The following RASGRP3 variants were observed in gnomAD, a reference collection of about 807,000 sequenced individuals.
RASGRP3 encodes RAS guanyl releasing protein 3, also known as ras guanyl-releasing protein 3.
A neutral mutation model predicts 82.7 loss-of-function variants in RASGRP3; 54 were observed. The ratio of observed to expected loss-of-function variants is 0.65; its 90% CI spans 0.52 to 0.82. The LOEUF (loss-of-function observed/expected upper bound fraction) is 0.82. Among genes scored for constraint, RASGRP3 ranks in the 40% least tolerant of loss-of-function variants. The pLI, the probability that RASGRP3 is intolerant of heterozygous loss-of-function variation, is 0.00. For synonymous variants in RASGRP3, 309 were observed against 300.5 expected, an observed-to-expected ratio of 1.03 and a Z score of -0.29; for missense variants, 861 against 828.9, an observed-to-expected ratio of 1.04 and a Z score of -0.48.
chr2:33,460,253 G>A (rs1170027090), intron 2 of RASGRP3, among the ~76,000 whole-genome samples: 1 of 152,086 alleles, frequency 6.6e-6, no homozygotes. Flanking sequence ...AATATCAATG[G>A]CCATGATACA....
intron 1 of RASGRP3, among the ~76,000 whole-genome samples, chr2:33,499,206 A>G (rs1669620208): frequency 1.3e-5 from 2 of 151,986 alleles, no homozygotes; most frequent in Admixed American, 6.6e-5. Context: ...GTCCCTCCCT[A>G]AGGTGAACCA....
chr2:33,512,327 T>C (rs1671002008), intron 2 of RASGRP3, among the ~76,000 whole-genome samples: 1 of 152,240 alleles, frequency 6.6e-6, no homozygotes, highest in African/African-American at 2.4e-5. Context: ...ATTTTGGTTT[T>C]GAATTGAGAA....
chr2:33,558,066 A>C (rs1467393647), intron 15 of RASGRP3, 145 bp from the exon 16 acceptor site: 2 of 1,085,772 alleles, frequency 1.8e-6, no homozygotes, highest in East Asian at 5.2e-5. Flanking sequence ...GATCCTAGAC[A>C]CACCCCATGG....
At chr2:33,463,142 A>T (rs1157289500) in intron 2 of RASGRP3, among the ~76,000 whole-genome samples, 3 of 152,166 alleles carry the variant, frequency 2.0e-5, no homozygotes, top group African/African-American at 7.2e-5. Context: ...AATAAAAATA[A>T]TTGGGGGAGA....
At chr2:33,510,681 G>A (rs1670848236) in intron 1 of RASGRP3, among the ~76,000 whole-genome samples, 1 of 152,196 alleles carries the variant, frequency 6.6e-6, no homozygotes, top group African/African-American at 2.4e-5. Flanking sequence ...TGAGCACTCA[G>A]CGTTCTGCAG....
At position 33,563,593 on chromosome 2, in the gene RASGRP3, A is replaced by AACAG. The variant is rs1410692699; in HGVS notation, c.*859_*860insGACA. The AACAG allele has an allele frequency of 1.2e-5, 1 of 85,392 alleles. No individual in the cohort carries two copies. Among genetic ancestry groups the AACAG allele is most frequent in the Non-Finnish European group, 3.5e-5 (1 of 28,846 alleles). The allele number at this position is 85,392 out of a possible 1,614,324, so 5.3% of individuals were successfully genotyped here. A position where few individuals can be genotyped will look rare whatever the true frequency, so the allele number is the denominator to read the frequency against. On this transcript the variant is annotated 3_prime_UTR_variant, in exon 18 of 18. Coordinates refer to ENST00000403687, the MANE Select transcript of RASGRP3 (RefSeq NM_001139488.2). ...GAAATTAATTCAAGTTTTGACGGTTAACATTTAGCAGAAAAACAAACCATT... is the reference window on the plus strand; with the variant it reads ...GAAATTAATTCAAGTTTTGACGGTTAACAGACATTTAGCAGAAAAACAAACCATT...
At chr2:33,499,510 A>G (rs1669656597) in intron 1 of RASGRP3, among the ~76,000 whole-genome samples, 1 of 152,022 alleles carries the variant, frequency 6.6e-6, no homozygotes, top group Non-Finnish European at 1.5e-5. Flanking sequence ...GTGTGCCAAG[A>G]TCACGCCACT....
At chr2:33,540,016 GAAA>G in intron 12 of RASGRP3, 2 of 119,052 alleles carry the variant, frequency 1.7e-5, no homozygotes, top group Non-Finnish European at 3.6e-5. Context: ...GAAAAGAAAA[GAAA>G]AAAGAGTAGA....
chr2:33,441,143 C>T (rs763632004), intron 1 of RASGRP3, among the ~76,000 whole-genome samples: 19 of 152,172 alleles, frequency 1.2e-4, no homozygotes, highest in South Asian at 8.3e-4. Flanking sequence ...CCTCCTGCCT[C>T]GGCCTCCTGA....
chr2:33,556,169 A>T (rs1427715626), intron 15 of RASGRP3, among the ~76,000 whole-genome samples: 2 of 151,040 alleles, frequency 1.3e-5, no homozygotes, highest in African/African-American at 4.9e-5. Context: ...AGTATACATT[A>T]CTGTTGTTTA....
intron 1 of RASGRP3, among the ~76,000 whole-genome samples, chr2:33,507,181 A>G (rs912348048): frequency 2.6e-5 from 4 of 152,206 alleles, no homozygotes; most frequent in Admixed American, 2.0e-4. Context: ...AGATCACTTG[A>G]GATCAGGAAT....
intron 1 of RASGRP3, among the ~76,000 whole-genome samples, chr2:33,499,893 G>C (rs1669706458): frequency 6.6e-6 from 1 of 152,160 alleles, no homozygotes; most frequent in South Asian, 2.1e-4. Flanking sequence ...GCACACTTCT[G>C]GGCTAGGGGA....
intron 2 of RASGRP3, among the ~76,000 whole-genome samples, chr2:33,462,167 A>G (rs902066270): frequency 1.3e-5 from 2 of 150,988 alleles, no homozygotes; most frequent in East Asian, 1.9e-4. Context: ...TGGAAAGAGG[A>G]AAAAAAAACA....
chr2:33,468,834 C>T (rs1279279031), intron 2 of RASGRP3, among the ~76,000 whole-genome samples: 1 of 152,204 alleles, frequency 6.6e-6, no homozygotes, highest in Non-Finnish European at 1.5e-5. Flanking sequence ...TATCCTTATA[C>T]ATATGCAATC....
At position 33,555,575 on chromosome 2, in the gene RASGRP3, A is replaced by C. The variant is rs1675857566; in HGVS notation, c.1579+8A>C. On this transcript the variant is annotated splice_region_variant and intron_variant, in intron 15 of 17. Transcript: ENST00000403687. The stretch of plus-strand genomic sequence containing the variant: ...AAGGATACAAATGCAAAGGTAAATC[A>C]ATGTTATTTTGTTACAATTTTTAAA... 1.3e-6 allele frequency: 2 copies of C among 1,581,380 alleles called. No individual in the cohort carries two copies. Among genetic ancestry groups the C allele is most frequent in the Non-Finnish European group, 8.7e-7 (1 of 1,155,432 alleles).
At chr2:33,475,744 A>G (rs967576070), upstream of RASGRP3, among the ~76,000 whole-genome samples, 4 of 152,204 alleles carry the variant, frequency 2.6e-5, no homozygotes, top group Non-Finnish European at 5.9e-5. Flanking sequence ...CTCAGGTGAG[A>G]CATATGAATT....
At chr2:33,459,240 T>C (rs1218241371) in intron 2 of RASGRP3, among the ~76,000 whole-genome samples, 3 of 152,096 alleles carry the variant, frequency 2.0e-5, no homozygotes, top group Non-Finnish European at 2.9e-5. Flanking sequence ...GTTCAAGCCA[T>C]TCTCCTGCCT....
rs148370427 is a variant in RASGRP3, at chr2:33,451,481, C to A, written c.-261+3538C>A. ...TGGAGTCATATCTAAGAAATCATTG[C>A]CGAGACCAATGACAAGAAGATATTC... On this transcript the variant is annotated intron_variant, in intron 2 of 18. Coordinates refer to the RASGRP3 transcript ENST00000402538. Among the ~76,000 whole-genome samples the A allele has an allele frequency of 6.6e-5, 10 of 152,220 alleles. No homozygotes were observed. The East Asian group carries it at 1.7e-3, about 26-fold the overall frequency.
At position 33,441,579 on chromosome 2, in the gene RASGRP3, A is replaced by G. The variant is rs1665228008; in HGVS notation, c.-385+4988A>G. On this transcript the variant is annotated intron_variant, in intron 1 of 18. Coordinates refer to the RASGRP3 transcript ENST00000402538. ...ACTCCATGGAATTACATACACCCTTACAGCTTGTTGGCCTGAAAGGCATTT... is the reference window on the plus strand; with the variant it reads ...ACTCCATGGAATTACATACACCCTTGCAGCTTGTTGGCCTGAAAGGCATTT... Among the ~76,000 whole-genome samples, 5 of 152,260 alleles carry G rather than the reference A, an allele frequency of 3.3e-5. No homozygotes were observed. In the South Asian group the frequency reaches 8.3e-4, roughly 25 times the overall value.
Sources: gnomAD v4.1 joint callset for allele counts (sites outside exome capture counted in the v4.1 genomes callset) on GRCh38, gnomAD v4.1.1 for gene constraint, MANE v1.5 for transcripts, NCBI Gene and HGNC (gene_info 2026-07-23, HGNC 2026-07-21) for gene names.